NOP14: variants seen among roughly 807,000 people sequenced by gnomAD.
NOP14 encodes the protein nucleolar protein 14.
A neutral mutation model predicts 101.6 loss-of-function variants in NOP14; 57 were observed. The observed-to-expected ratio is 0.56, with a 90% CI of 0.45 to 0.70. The LOEUF is 0.70. Ranked by LOEUF, NOP14 falls within the 30% of genes least tolerant of loss-of-function variation. NOP14 has a pLI of 0.00. For synonymous variants in NOP14, 428 were observed against 424.0 expected (o/e 1.01, Z -0.12); for missense variants, 1,134 against 1,075.5 (o/e 1.05, Z -0.76).
rs1449374321 is a variant in NOP14, at chr4:2,956,607, A to G, written c.472+63T>C. On this transcript the variant is annotated intron_variant, in intron 3 of 17. Coordinates refer to ENST00000416614, the MANE Select transcript of NOP14 (RefSeq NM_001291978.2). ...AGTCTCTAAGAAGAGCAGAAGGTCT[A>G]ACAATGAACAGACTCTCCCTGACTC... 6.6e-6 allele frequency: 10 copies of G among 1,508,026 alleles called. No homozygotes were observed. In the Admixed American group the frequency reaches 1.6e-4, roughly 24 times the overall value. The allele number at this position is 1,508,026 out of a possible 1,614,324, so 93.4% of individuals were successfully genotyped here.
chr4:2,943,380 G>A (rs1421150625), intron 13 of NOP14, among the ~76,000 whole-genome samples: 3 of 152,226 alleles, frequency 2.0e-5, no homozygotes, highest in Non-Finnish European at 2.9e-5. Flanking sequence ...GGCTGGGAGA[G>A]GCGTCCACAG....
chr4:2,952,171 C>A, intron 6 of NOP14, 104 bp downstream of exon 6: 1 of 1,105,958 alleles, frequency 9.0e-7, no homozygotes, highest in Non-Finnish European at 1.3e-6. Flanking sequence ...AAATATTCCA[C>A]TGATCAAACA....
chr4:2,939,116 C>G lies in NOP14; in HGVS notation c.2474+72G>C. On this transcript the variant is annotated intron_variant, in intron 17 of 17. Transcript: ENST00000416614. Reference sequence around the variant, plus strand: ...GCTGTGGGATGCCAGGTGCCCGGTGCTCTGCCCAGGGCCACACAGCACCAA... The same window carrying G: ...GCTGTGGGATGCCAGGTGCCCGGTGGTCTGCCCAGGGCCACACAGCACCAA... 10 of 1,593,052 alleles carry G rather than the reference C, an allele frequency of 6.3e-6. No homozygotes were observed. In the South Asian group the frequency reaches 1.1e-4, roughly 18 times the overall value.
chr4:2,940,673 T>C (rs968115850), intron 15 of NOP14: 2 of 152,360 alleles, frequency 1.3e-5, no homozygotes, highest in East Asian at 1.9e-4. Context: ...CTCATCCTAG[T>C]GGGGCAGAGA....
chr4:2,962,734 G>A (rs895187228), intron 1 of NOP14, among the ~76,000 whole-genome samples: 1 of 151,812 alleles, frequency 6.6e-6, no homozygotes. Context: ...ACAAGGTTAC[G>A]CGCTTCGGGA....
chr4:2,961,231 G>A lies in NOP14; in HGVS notation c.195+1894C>T, dbSNP rs1282264932. The A allele has an allele frequency of 8.8e-4, 26 of 29,392 alleles. No homozygotes were observed. In the East Asian group the frequency reaches 0.028, roughly 31 times the overall value. The allele number at this position is 29,392 out of a possible 1,614,324, so 1.8% of individuals were successfully genotyped here. ...ATATATTAATATATTAATATTGTTAGTATATTAATATATAGTAACTATATT... is the reference window on the plus strand; with the variant it reads ...ATATATTAATATATTAATATTGTTAATATATTAATATATAGTAACTATATT... On this transcript the variant is annotated intron_variant, in intron 1 of 17. Coordinates refer to ENST00000416614, the MANE Select transcript of NOP14 (RefSeq NM_001291978.2).
chr4:2,960,488 T>C (rs549126493), intron 1 of NOP14, among the ~76,000 whole-genome samples: 3 of 152,158 alleles, frequency 2.0e-5, no homozygotes, highest in South Asian at 2.1e-4. Context: ...ATTGTGATTC[T>C]CTTTCTTTCT....
chr4:2,955,429 G>A (rs1276814302), intron 3 of NOP14, among the ~76,000 whole-genome samples: 4 of 62,026 alleles, frequency 6.4e-5, no homozygotes, highest in Admixed American at 2.2e-4. Flanking sequence ...CCTGCACCAC[G>A]GCGCCCTCTA....
Position 2,953,633 on chromosome 4 carries a change from C to T in NOP14, c.625G>A (p.Ala209Thr), listed in dbSNP as rs1715166813. 3.7e-6 allele frequency: 6 copies of T among 1,614,186 alleles called. No individual in the cohort carries two copies. Among genetic ancestry groups the T allele is most frequent in the Non-Finnish European group, 5.1e-6 (6 of 1,180,030 alleles). ...AGCTCGAGGGCATCTTCTCGTTGAG[C>T]TTGTCTCTCCCTCTGGGGAAAAAAT... The part of the protein sequence containing the change: ...KSKQEKRERQ[A>T]QREDALELTE... The change falls in exon 5 of 18, where the codon GCT becomes ACT. Residue 209 changes from alanine to threonine, a missense_variant. Ala to Thr is a moderately conservative substitution (Grantham distance 58). Transcript: ENST00000416614.
chr4:2,945,978 C>G (rs1277022593), intron 11 of NOP14, among the ~76,000 whole-genome samples: 1 of 97,498 alleles, frequency 1.0e-5, no homozygotes, highest in African/African-American at 4.1e-5. Context: ...CTGCCGTGCA[C>G]TCTCACTCCA....
At chr4:2,954,939 C>T (rs1715239781) in intron 3 of NOP14, among the ~76,000 whole-genome samples, 1 of 152,058 alleles carries the variant, frequency 6.6e-6, no homozygotes, top group African/African-American at 2.4e-5. Flanking sequence ...GTCCCTCCCA[C>T]CTCCCTGGGC....
chr4:2,956,128 C>A (rs1371549178), intron 3 of NOP14, among the ~76,000 whole-genome samples: 1 of 152,150 alleles, frequency 6.6e-6, no homozygotes, highest in Non-Finnish European at 1.5e-5. Flanking sequence ...TTATTTAAGG[C>A]CAAAATTTAT....
rs376246926 is a variant in NOP14, at chr4:2,942,192, C to A, written c.2051G>T (p.Arg684Leu). The change falls in exon 14 of 18, where the codon CGA becomes CTA. Residue 684 changes from arginine (R) to leucine (L), a missense_variant and splice_region_variant. Arg to Leu is a moderately radical substitution (Grantham distance 102). Coordinates refer to ENST00000416614, the MANE Select transcript of NOP14 (RefSeq NM_001291978.2). ...APTSTEANHI[R>L]LSCLAVGLAL... ...CCCAAAGCGGGGTCCCCTCACATAC[C>A]GGATGTGATTGGCCTCTGTCGAAGT... 6.2e-7 allele frequency: 1 copy of A among 1,613,556 alleles called. No homozygotes were observed. Among genetic ancestry groups the A allele is most frequent in the Non-Finnish European group, 8.5e-7 (1 of 1,179,662 alleles).
chr4:2,962,405 C>T (rs1716087590), intron 1 of NOP14, among the ~76,000 whole-genome samples: 2 of 152,148 alleles, frequency 1.3e-5, no homozygotes, highest in Admixed American at 1.3e-4. Context: ...ATTCAAAGAC[C>T]ATCCAGCTTG....
intron 1 of NOP14, among the ~76,000 whole-genome samples, chr4:2,962,090 G>A (rs1037110367): frequency 1.3e-5 from 2 of 152,240 alleles, no homozygotes; most frequent in Non-Finnish European, 2.9e-5. Flanking sequence ...GACAAGCCAA[G>A]AAGGTTAAGA....
chr4:2,945,365 C>T, intron 11 of NOP14, 136 bp from the exon 12 acceptor site: 1 of 660,780 alleles, frequency 1.5e-6, no homozygotes, highest in Non-Finnish European at 2.6e-6. Context: ...GCTCTGGCCT[C>T]AGTGTCACAG....
intron 6 of NOP14, among the ~76,000 whole-genome samples, chr4:2,951,979 C>T (rs989735834): frequency 2.6e-5 from 4 of 151,902 alleles, no homozygotes; most frequent in Non-Finnish European, 4.4e-5. Context: ...TGGTGGCAGG[C>T]GCCTGTAATC....
chr4:2,962,182 T>A (rs1197552208), intron 1 of NOP14, among the ~76,000 whole-genome samples: 1 of 152,232 alleles, frequency 6.6e-6, no homozygotes, highest in Non-Finnish European at 1.5e-5. Flanking sequence ...AGGGGTAGGA[T>A]GTATACTATC....
In NOP14 at chr4:2,953,647, T is replaced by C; in HGVS notation, c.613-2A>G. 6.2e-7 allele frequency: 1 copy of C among 1,614,002 alleles called. No homozygotes were observed. Among genetic ancestry groups the C allele is most frequent in the East Asian group, 2.2e-5 (1 of 44,870 alleles). On this transcript the variant is annotated splice_acceptor_variant, in intron 4 of 17. Transcript: ENST00000416614. LOFTEE classifies it high-confidence loss of function. ...TTCTCGTTGAGCTTGTCTCTCCCTC[T>C]GGGGAAAAAATAACAGACACACACC...
Sources: gnomAD v4.1 joint callset for allele counts (sites outside exome capture counted in the v4.1 genomes callset) on GRCh38, gnomAD v4.1.1 for gene constraint, MANE v1.5 for transcripts, NCBI Gene and HGNC (gene_info 2026-07-23, HGNC 2026-07-21) for gene names.